Variants in ADGRB3 observed in about 807,000 individuals in gnomAD.
ADGRB3 encodes adhesion G protein-coupled receptor B3, also known as brain-specific angiogenesis inhibitor 3.
A neutral mutation model predicts 193.4 loss-of-function variants in ADGRB3; 37 were observed. The ratio of observed to expected loss-of-function variants is 0.19; its 90% CI spans 0.15 to 0.25. The LOEUF (loss-of-function observed/expected upper bound fraction) is 0.25. Among genes scored for constraint, ADGRB3 ranks in the 10% least tolerant of loss-of-function variants. ADGRB3 has a pLI of 1.00. For missense variants in ADGRB3, 1,637 were observed against 1,852.9 expected (o/e 0.88, Z 2.14); for synonymous variants, 690 against 644.2 (o/e 1.07, Z -1.08).
At chr6:68,921,896 A>T (rs1423898318) in intron 3 of ADGRB3, among the ~76,000 whole-genome samples, 2 of 152,098 alleles carry the variant, frequency 1.3e-5, no homozygotes, top group Non-Finnish European at 2.9e-5. Context: ...TGTCGTAGTG[A>T]CGTGGCTTTT....
intron 3 of ADGRB3, among the ~76,000 whole-genome samples, chr6:68,769,455 G>A (rs551613580): frequency 4.6e-5 from 7 of 152,162 alleles, no homozygotes; most frequent in East Asian, 1.9e-4. Context: ...ACCAAACACC[G>A]CTTGTTCTCA....
chr6:69,004,378 T>C (rs1769678166), intron 11 of ADGRB3, among the ~76,000 whole-genome samples: 1 of 152,112 alleles, frequency 6.6e-6, no homozygotes, highest in Non-Finnish European at 1.5e-5. Flanking sequence ...CCCTGGTGTC[T>C]CTCTGTGTGT....
chr6:69,326,368 T>C (rs1768569006), intron 21 of ADGRB3, among the ~76,000 whole-genome samples: 3 of 152,196 alleles, frequency 2.0e-5, no homozygotes, highest in Non-Finnish European at 4.4e-5. Context: ...TTGCCATGAA[T>C]TAGTACCATT....
chr6:69,048,401 G>C, intron 14 of ADGRB3, 67 bp downstream of exon 14: 1 of 1,461,502 alleles, frequency 6.8e-7, no homozygotes, highest in South Asian at 1.2e-5. Context: ...TTAGAAATTA[G>C]GTATAAATCT....
At chr6:68,975,657 C>A (rs1175229824) in intron 10 of ADGRB3, among the ~76,000 whole-genome samples, 1 of 152,078 alleles carries the variant, frequency 6.6e-6, no homozygotes, top group African/African-American at 2.4e-5. Flanking sequence ...TGGCTTAAGT[C>A]TGTGTTAAAT....
At chr6:69,107,367 T>C (rs1045002670) in intron 17 of ADGRB3, among the ~76,000 whole-genome samples, 1 of 152,230 alleles carries the variant, frequency 6.6e-6, no homozygotes, top group Non-Finnish European at 1.5e-5. Flanking sequence ...ACATTAGATA[T>C]ACACTAAAAT....
At chr6:68,996,789 G>C (rs995043707) in intron 11 of ADGRB3, among the ~76,000 whole-genome samples, 1 of 152,082 alleles carries the variant, frequency 6.6e-6, no homozygotes, top group African/African-American at 2.4e-5. Context: ...AAAAAGACAT[G>C]TTTCTGATCC....
At chr6:69,200,569 T>A (rs1401200578) in intron 17 of ADGRB3, among the ~76,000 whole-genome samples, 1 of 152,108 alleles carries the variant, frequency 6.6e-6, no homozygotes, top group Non-Finnish European at 1.5e-5. Flanking sequence ...CAATTTTTAC[T>A]TGACTAAAGG....
intron 3 of ADGRB3, among the ~76,000 whole-genome samples, chr6:68,731,141 G>T (rs1055049739): frequency 2.0e-5 from 3 of 151,510 alleles, no homozygotes; most frequent in Non-Finnish European, 4.4e-5. Context: ...ATAGGTTAAA[G>T]AAATTGAAGA....
At chr6:68,922,228 G>A (rs1405517617) in intron 3 of ADGRB3, among the ~76,000 whole-genome samples, 1 of 152,120 alleles carries the variant, frequency 6.6e-6, no homozygotes, top group Non-Finnish European at 1.5e-5. Context: ...GGAATGTAAT[G>A]GGTGCTCATT....
chr6:69,290,959 G>A (rs1048909465), intron 20 of ADGRB3, among the ~76,000 whole-genome samples: 1 of 151,988 alleles, frequency 6.6e-6, no homozygotes, highest in Non-Finnish European at 1.5e-5. Flanking sequence ...AATACCTGCT[G>A]TTCTATTTAT....
chr6:68,987,488 G>T (rs1769113259), intron 10 of ADGRB3, among the ~76,000 whole-genome samples: 1 of 152,048 alleles, frequency 6.6e-6, no homozygotes, highest in Non-Finnish European at 1.5e-5. Flanking sequence ...CGCAAACATG[G>T]TTGATAATGA....
chr6:69,306,633 T>G (rs1273717413), intron 20 of ADGRB3, among the ~76,000 whole-genome samples: 1 of 151,572 alleles, frequency 6.6e-6, no homozygotes, highest in Non-Finnish European at 1.5e-5. Flanking sequence ...TAAGTGTTTT[T>G]ATTTCTGACT....
At chr6:68,860,609 T>TAC (rs1275202118) in intron 3 of ADGRB3, among the ~76,000 whole-genome samples, 1 of 152,212 alleles carries the variant, frequency 6.6e-6, no homozygotes, top group Non-Finnish European at 1.5e-5. Flanking sequence ...GTGTATACCA[T>TAC]ATATATATGC....
intron 20 of ADGRB3, among the ~76,000 whole-genome samples, chr6:69,254,874 C>T (rs1019878499): frequency 3.4e-5 from 4 of 116,728 alleles, no homozygotes; most frequent in African/African-American, 1.3e-4. Context: ...CACCCCACAA[C>T]AGTCCCCAGA....
At chr6:69,157,831 TTA>T (rs1425920882) in intron 17 of ADGRB3, among the ~76,000 whole-genome samples, 1 of 152,138 alleles carries the variant, frequency 6.6e-6, no homozygotes, top group Admixed American at 6.5e-5. Flanking sequence ...TCTAAATGTA[TTA>T]TAGAGTATAA....
chr6:68,997,133 A>G (rs1247685832), intron 11 of ADGRB3, among the ~76,000 whole-genome samples: 3 of 152,232 alleles, frequency 2.0e-5, no homozygotes, highest in Admixed American at 6.5e-5. Context: ...ATTGTCTACT[A>G]TATACTAACT....
At chr6:68,800,699 T>C (rs533619277) in intron 3 of ADGRB3, among the ~76,000 whole-genome samples, 40 of 152,284 alleles carry the variant, frequency 2.6e-4, no homozygotes, top group Non-Finnish European at 5.3e-4. Context: ...AGGCTAAGTA[T>C]TGAGATTTTT....
chr6:68,652,142 C>T (rs1228475552), intron 3 of ADGRB3, among the ~76,000 whole-genome samples: 3 of 152,140 alleles, frequency 2.0e-5, no homozygotes, highest in Non-Finnish European at 2.9e-5. Flanking sequence ...TATGGTGCTT[C>T]TCAGGTATCT....
Sources: allele counts gnomAD v4.1 joint callset (sites outside exome capture counted in the v4.1 genomes callset), GRCh38; gene constraint gnomAD v4.1.1; transcripts MANE v1.5; gene names NCBI Gene and HGNC (gene_info 2026-07-23, HGNC 2026-07-21).